The following DECR1 variants were observed in gnomAD, a reference collection of about 807,000 sequenced individuals.
DECR1 encodes the protein 2,4-dienoyl-CoA reductase 1.
Under a neutral mutation model 38.8 loss-of-function variants are expected in DECR1, and 44 were observed. The observed-to-expected ratio is 1.13, with a 90% CI of 0.89 to 1.46. The LOEUF is 1.46. Ranked by LOEUF, DECR1 falls within the 40% of genes most tolerant of loss-of-function variation. The pLI is 0.00. For missense variants in DECR1, 428 were observed against 405.5 expected, an observed-to-expected ratio of 1.06 and a Z score of -0.48; for synonymous variants, 148 against 135.2, an observed-to-expected ratio of 1.09 and a Z score of -0.66.
At chr8:90,046,965 T>C (rs1037622886) in intron 8 of DECR1, among the ~76,000 whole-genome samples, 4 of 152,134 alleles carry the variant, frequency 2.6e-5, no homozygotes, top group Non-Finnish European at 5.9e-5. Flanking sequence ...AATAAAATAC[T>C]TTACAGACAA....
chr8:90,026,183 T>A (rs1046171397), intron 5 of DECR1, among the ~76,000 whole-genome samples: 1 of 152,222 alleles, frequency 6.6e-6, no homozygotes, highest in Non-Finnish European at 1.5e-5. Context: ...TCTAAAATTA[T>A]CTTTTGTTGT....
chr8:90,045,134 T>C (rs1186479764), intron 8 of DECR1, 139 bp downstream of exon 8: 1 of 653,818 alleles, frequency 1.5e-6, no homozygotes, highest in South Asian at 2.2e-5. Flanking sequence ...ATATAAAATA[T>C]TATATATATT....
At chr8:90,022,312 T>A (rs1813183872) in intron 5 of DECR1, among the ~76,000 whole-genome samples, 1 of 152,162 alleles carries the variant, frequency 6.6e-6, no homozygotes, top group Non-Finnish European at 1.5e-5. Flanking sequence ...TGAGATACGC[T>A]GTAGGAACAG....
intron 1 of DECR1, among the ~76,000 whole-genome samples, chr8:90,009,787 A>T (rs1380084691): frequency 6.6e-6 from 1 of 152,154 alleles, no homozygotes; most frequent in African/African-American, 2.4e-5. Flanking sequence ...AGGAGTGAAG[A>T]CCCTAGCTGA....
At chr8:90,015,756 T>A (rs1812991970) in intron 1 of DECR1, 3 of 426,812 alleles carry the variant, frequency 7.0e-6, no homozygotes, top group African/African-American at 6.1e-5. Flanking sequence ...CCATTAAGCT[T>A]AGCAGGATCT....
chr8:90,030,087 A>G (rs1287445951), intron 5 of DECR1, among the ~76,000 whole-genome samples: 1 of 152,136 alleles, frequency 6.6e-6, no homozygotes, highest in Non-Finnish European at 1.5e-5. Context: ...ATCATCAGGC[A>G]TTAGAGTATC....
chr8:90,047,511 C>T (rs1813942518), intron 8 of DECR1, among the ~76,000 whole-genome samples: 2 of 152,190 alleles, frequency 1.3e-5, no homozygotes, highest in South Asian at 4.1e-4. Context: ...GCACCCAATA[C>T]AGGAGCACCC....
chr8:90,022,789 C>T (rs532489266), intron 5 of DECR1, among the ~76,000 whole-genome samples: 6 of 152,160 alleles, frequency 3.9e-5, no homozygotes, highest in South Asian at 4.1e-4. Flanking sequence ...TATTTCTTCC[C>T]TCGCTCATCT....
intron 1 of DECR1, among the ~76,000 whole-genome samples, chr8:90,009,940 C>T (rs1247460990): frequency 2.0e-5 from 3 of 152,142 alleles, no homozygotes; most frequent in South Asian, 2.1e-4. Context: ...CATAGAGCAC[C>T]GACATTTTCA....
intron 8 of DECR1, among the ~76,000 whole-genome samples, chr8:90,050,194 AAGAGC>A (rs1814038321): frequency 6.6e-6 from 1 of 152,240 alleles, no homozygotes; most frequent in Admixed American, 6.5e-5. Context: ...AATTAAACTA[AAGAGC>A]CTCTGCACAG....
intron 5 of DECR1, among the ~76,000 whole-genome samples, chr8:90,036,009 A>G (rs1214532792): frequency 6.6e-6 from 1 of 152,044 alleles, no homozygotes; most frequent in Non-Finnish European, 1.5e-5. Context: ...TCCCAGCCCT[A>G]TGCAAGCTCT....
chr8:90,034,478 TCTCA>T (rs1485822958), intron 5 of DECR1, among the ~76,000 whole-genome samples: 1 of 152,064 alleles, frequency 6.6e-6, no homozygotes, highest in Non-Finnish European at 1.5e-5. Flanking sequence ...TGAGATGGAG[TCTCA>T]CTCTTGTCAC....
intron 5 of DECR1, among the ~76,000 whole-genome samples, chr8:90,034,969 G>T (rs1459433597): frequency 2.6e-5 from 4 of 151,828 alleles, no homozygotes; most frequent in African/African-American, 9.7e-5. Context: ...CTTGATTTTT[G>T]AAGGGTATTT....
At chr8:90,039,269 T>C (rs1274153743) in intron 6 of DECR1, among the ~76,000 whole-genome samples, 1 of 132,894 alleles carries the variant, frequency 7.5e-6, no homozygotes, top group East Asian at 2.2e-4. Context: ...AAGAAATACC[T>C]GAGACTGGGT....
intron 5 of DECR1, among the ~76,000 whole-genome samples, chr8:90,025,738 G>A (rs920381824): frequency 6.6e-6 from 1 of 152,054 alleles, no homozygotes; most frequent in Non-Finnish European, 1.5e-5. Context: ...GATTGCCCTG[G>A]CCAGAACTTC....
intron 1 of DECR1, among the ~76,000 whole-genome samples, chr8:90,003,702 G>A (rs1198525241): frequency 1.3e-5 from 2 of 152,196 alleles, no homozygotes; most frequent in African/African-American, 4.8e-5. Context: ...AGCACTTTGG[G>A]AGGCTGAGGC....
chr8:90,042,622 G>T, intron 6 of DECR1, 106 bp from the exon 7 acceptor site: 1 of 898,538 alleles, frequency 1.1e-6, no homozygotes, highest in Non-Finnish European at 1.8e-6. Flanking sequence ...ACCTGTTGGG[G>T]TTGTAATCTC....
At chr8:90,045,612 C>T (rs1324406743) in intron 8 of DECR1, among the ~76,000 whole-genome samples, 1 of 152,218 alleles carries the variant, frequency 6.6e-6, no homozygotes, top group African/African-American at 2.4e-5. Flanking sequence ...AGGGGCAGGA[C>T]ATAGCTGAAC....
At chr8:90,046,415 C>T (rs759755580) in intron 8 of DECR1, among the ~76,000 whole-genome samples, 5 of 152,028 alleles carry the variant, frequency 3.3e-5, no homozygotes, top group South Asian at 2.1e-4. Context: ...GTAGCTGATT[C>T]GATCAAGTGG....
Sources: allele counts gnomAD v4.1 joint callset (sites outside exome capture counted in the v4.1 genomes callset), GRCh38; gene constraint gnomAD v4.1.1; transcripts MANE v1.5; gene names NCBI Gene and HGNC (gene_info 2026-07-23, HGNC 2026-07-21).